DPP10: variants seen among roughly 807,000 people sequenced by gnomAD.
The protein encoded by DPP10 is dipeptidyl peptidase like 10.
Under a neutral mutation model 120.9 loss-of-function variants are expected in DPP10, and 33 were observed. That is an observed-to-expected ratio of 0.27 (90% CI 0.21 to 0.37). DPP10 has a LOEUF of 0.37. Among genes scored for constraint, DPP10 ranks in the 10% least tolerant of loss-of-function variants. DPP10 has a pLI of 1.00. For synonymous variants in DPP10, 337 were observed against 326.1 expected, an observed-to-expected ratio of 1.03 and a Z score of -0.36; for missense variants, 816 against 942.8, an observed-to-expected ratio of 0.87 and a Z score of 1.76.
chr2:115,265,902 C>T (rs112250495), intron 1 of DPP10, among the ~76,000 whole-genome samples: 9,250 of 150,830 alleles, frequency 0.061, 334 homozygotes, highest in Middle Eastern at 0.11. Flanking sequence ...TCAGATCATG[C>T]CACTGCAATC....
intron 1 of DPP10, among the ~76,000 whole-genome samples, chr2:115,118,904 C>T (rs573058837): frequency 1.4e-3 from 214 of 152,098 alleles, no homozygotes; most frequent in African/African-American, 4.7e-3. Context: ...TGTGAGCCAC[C>T]GCGTCCAGCC....
At chr2:115,175,013 A>G (rs2053600229) in intron 1 of DPP10, among the ~76,000 whole-genome samples, 1 of 152,196 alleles carries the variant, frequency 6.6e-6, no homozygotes, top group Non-Finnish European at 1.5e-5. Flanking sequence ...GAAGTGAGAA[A>G]CCATTCTTGA....
intron 5 of DPP10, among the ~76,000 whole-genome samples, chr2:115,629,868 G>A (rs1331367955): frequency 6.6e-6 from 1 of 152,088 alleles, no homozygotes; most frequent in Non-Finnish European, 1.5e-5. Flanking sequence ...GCCCAGAATT[G>A]TCTTGGCTAT....
At chr2:114,671,251 G>A (rs777085732) in intron 1 of DPP10, among the ~76,000 whole-genome samples, 61 of 152,228 alleles carry the variant, frequency 4.0e-4, no homozygotes, top group South Asian at 1.2e-3. Flanking sequence ...GTGTAAGTAC[G>A]TTCTATGAAG....
intron 1 of DPP10, among the ~76,000 whole-genome samples, chr2:115,242,672 A>ATTTTTTT (rs539909325): frequency 1.6e-5 from 2 of 124,200 alleles, no homozygotes; most frequent in Non-Finnish European, 1.8e-5. Flanking sequence ...GCCAACATCT[A>ATTTTTTT]TTTTTTTTTT....
At chr2:115,561,752 T>TA (rs2080694177) in intron 5 of DPP10, among the ~76,000 whole-genome samples, 1 of 152,216 alleles carries the variant, frequency 6.6e-6, no homozygotes, top group Non-Finnish European at 1.5e-5. Flanking sequence ...TTAATCTTTT[T>TA]AAGTTTTTTT....
At chr2:114,701,279 A>G (rs1700370927) in intron 1 of DPP10, among the ~76,000 whole-genome samples, 1 of 152,032 alleles carries the variant, frequency 6.6e-6, no homozygotes, top group Non-Finnish European at 1.5e-5. Flanking sequence ...CAAAAATCTC[A>G]GGAGATGGGT....
intron 1 of DPP10, among the ~76,000 whole-genome samples, chr2:114,609,487 T>C (rs1486837716): frequency 2.6e-5 from 4 of 152,060 alleles, no homozygotes; most frequent in African/African-American, 9.7e-5. Context: ...GTGAAGTGGG[T>C]CTGACCCCAC....
chr2:115,189,898 G>C (rs771886517), intron 1 of DPP10, among the ~76,000 whole-genome samples: 92 of 152,088 alleles, frequency 6.0e-4, no homozygotes, highest in Non-Finnish European at 1.6e-4. Flanking sequence ...TGTGAAGGAG[G>C]CATTTACTCC....
chr2:115,491,256 A>G (rs988348404), intron 3 of DPP10, among the ~76,000 whole-genome samples: 2 of 152,216 alleles, frequency 1.3e-5, no homozygotes, highest in Non-Finnish European at 2.9e-5. Context: ...GCCAATGAGC[A>G]GAATAATGCA....
intron 3 of DPP10, among the ~76,000 whole-genome samples, chr2:115,356,250 C>T (rs532639576): frequency 6.6e-6 from 1 of 152,078 alleles, no homozygotes; most frequent in Non-Finnish European, 1.5e-5. Context: ...GTTTGTACTT[C>T]CCCTTGAGGA....
At chr2:114,480,844 A>T (rs1224793668) in intron 1 of DPP10, among the ~76,000 whole-genome samples, 2 of 151,424 alleles carry the variant, frequency 1.3e-5, no homozygotes, top group African/African-American at 4.9e-5. Context: ...GTACCCTAGA[A>T]CTTAAAGTAT....
intron 5 of DPP10, among the ~76,000 whole-genome samples, chr2:115,664,817 A>C (rs2089311708): frequency 6.6e-6 from 1 of 152,158 alleles, no homozygotes; most frequent in African/African-American, 2.4e-5. Context: ...CTAATCTTAA[A>C]AATGCTCAAA....
At chr2:114,662,339 G>A (rs1329416717) in intron 1 of DPP10, among the ~76,000 whole-genome samples, 1 of 152,170 alleles carries the variant, frequency 6.6e-6, no homozygotes, top group Non-Finnish European at 1.5e-5. Context: ...CGGGGGCGCG[G>A]GCACCGCTGC....
At chr2:114,799,197 T>G (rs1683975194) in intron 1 of DPP10, among the ~76,000 whole-genome samples, 1 of 152,208 alleles carries the variant, frequency 6.6e-6, no homozygotes, top group Admixed American at 6.5e-5. Context: ...AGTACAGGGT[T>G]GCAGTTCATT....
At chr2:115,217,310 G>A (rs780199768) in intron 1 of DPP10, among the ~76,000 whole-genome samples, 1 of 152,022 alleles carries the variant, frequency 6.6e-6, no homozygotes, top group Non-Finnish European at 1.5e-5. Flanking sequence ...GACCCTTTTT[G>A]TGAGTGCTAG....
intron 5 of DPP10, among the ~76,000 whole-genome samples, chr2:115,639,613 C>G (rs1457709715): frequency 1.4e-5 from 2 of 143,190 alleles, no homozygotes; most frequent in African/African-American, 4.9e-5. Flanking sequence ...ACATGAAACT[C>G]AAATGCATTA....
At chr2:114,522,522 G>T (rs927209734) in intron 1 of DPP10, among the ~76,000 whole-genome samples, 1 of 152,088 alleles carries the variant, frequency 6.6e-6, no homozygotes, top group Non-Finnish European at 1.5e-5. Flanking sequence ...TGGGAATTAT[G>T]ATAATAGAAA....
chr2:115,205,277 T>G lies in DPP10; in HGVS notation c.61-103962T>G, dbSNP rs536284808. 3.9e-5 allele frequency among the ~76,000 whole-genome samples: 6 copies of G among 152,270 alleles called. No homozygotes were observed. The South Asian group carries it at 1.2e-3, about 32-fold the overall frequency. ...TTGGGTTAACTTTTGTATATGGTAA[T>G]AGGTAAGAATTTAATTTTATTCTTC... On this transcript the variant is annotated intron_variant, in intron 1 of 25. Coordinates refer to ENST00000410059, the MANE Select transcript of DPP10 (RefSeq NM_020868.6).
Sources: gnomAD v4.1 joint callset for allele counts (sites outside exome capture counted in the v4.1 genomes callset) on GRCh38, gnomAD v4.1.1 for gene constraint, MANE v1.5 for transcripts, NCBI Gene and HGNC (gene_info 2026-07-23, HGNC 2026-07-21) for gene names.